INPP4B: variants seen among roughly 807,000 people sequenced by gnomAD.
INPP4B encodes inositol polyphosphate 4-phosphatase type II.
A neutral mutation model predicts 122.5 loss-of-function variants in INPP4B; 55 were observed. That is an observed-to-expected ratio of 0.45 (90% CI 0.36 to 0.56). The LOEUF (loss-of-function observed/expected upper bound fraction) is 0.56. INPP4B is among the 20% of genes least tolerant of loss of function. INPP4B has a pLI of 0.00. For synonymous variants in INPP4B, 403 were observed against 388.7 expected, an observed-to-expected ratio of 1.04 and a Z score of -0.43; for missense variants, 1,000 against 1,097.7, an observed-to-expected ratio of 0.91 and a Z score of 1.26.
chr4:142,061,720 A>T lies in INPP4B; in HGVS notation c.2642+20311T>A, dbSNP rs545231031. On this transcript the variant is annotated intron_variant, in intron 25 of 25. Transcript: ENST00000262992. ...AATGAAAATGAGGTTTATAAACATGATCAAATTAGATTTAAGCAAAAAGCA... is the reference window on the plus strand; with the variant it reads ...AATGAAAATGAGGTTTATAAACATGTTCAAATTAGATTTAAGCAAAAAGCA... 2.7e-4 allele frequency among the ~76,000 whole-genome samples: 41 copies of T among 151,914 alleles called. 1 individual carries two copies. Among genetic ancestry groups the T allele is most frequent in the Middle Eastern group, 6.8e-3 (2 of 294 alleles).
chr4:142,334,729 T>C (rs900915190), intron 7 of INPP4B, among the ~76,000 whole-genome samples: 3 of 152,306 alleles, frequency 2.0e-5, no homozygotes, highest in African/African-American at 7.2e-5. Flanking sequence ...TTTCTATACC[T>C]TTGGCCATTT....
chr4:142,035,301 G>A (rs1341821139), intron 25 of INPP4B, among the ~76,000 whole-genome samples: 1 of 152,178 alleles, frequency 6.6e-6, no homozygotes, highest in African/African-American at 2.4e-5. Context: ...TAGGATGAAT[G>A]AGATCGTCCC....
At chr4:142,118,718 C>G (rs1795042453) in intron 21 of INPP4B, among the ~76,000 whole-genome samples, 1 of 152,124 alleles carries the variant, frequency 6.6e-6, no homozygotes, top group Non-Finnish European at 1.5e-5. Flanking sequence ...CAATACCATT[C>G]AGGACATAGG....
intron 9 of INPP4B, among the ~76,000 whole-genome samples, chr4:142,293,222 T>C (rs1005712240): frequency 1.3e-5 from 2 of 152,016 alleles, no homozygotes; most frequent in African/African-American, 4.8e-5. Context: ...GTATTTTTAG[T>C]AGAGACGGGG....
chr4:142,601,211 A>G (rs1739827737), intron 2 of INPP4B, among the ~76,000 whole-genome samples: 1 of 152,178 alleles, frequency 6.6e-6, no homozygotes, highest in Non-Finnish European at 1.5e-5. Context: ...AATAAGACTA[A>G]CAAACATTTA....
At chr4:142,318,339 C>T (rs1286699244) in intron 7 of INPP4B, among the ~76,000 whole-genome samples, 1 of 151,958 alleles carries the variant, frequency 6.6e-6, no homozygotes, top group Non-Finnish European at 1.5e-5. Flanking sequence ...AGGAATATGT[C>T]ACTAAAAAAT....
At chr4:142,108,949 C>A (rs1383773855) in intron 22 of INPP4B, among the ~76,000 whole-genome samples, 1 of 152,124 alleles carries the variant, frequency 6.6e-6, no homozygotes, top group Non-Finnish European at 1.5e-5. Flanking sequence ...TTTCAGTGTG[C>A]ATTTTCCAAC....
At chr4:142,089,126 A>G (rs1187517102) in intron 23 of INPP4B, among the ~76,000 whole-genome samples, 1 of 152,146 alleles carries the variant, frequency 6.6e-6, no homozygotes, top group Non-Finnish European at 1.5e-5. Context: ...GTCCTGGGGC[A>G]AGATTTATGA....
At chr4:142,703,215 C>T (rs750511217) in intron 2 of INPP4B, among the ~76,000 whole-genome samples, 2 of 152,182 alleles carry the variant, frequency 1.3e-5, no homozygotes, top group Non-Finnish European at 2.9e-5. Flanking sequence ...TCACAATGTC[C>T]TCAACTTGTT....
chr4:142,299,156 C>T lies in INPP4B; in HGVS notation c.503+6302G>A, dbSNP rs1025929805. On this transcript the variant is annotated intron_variant, in intron 9 of 25. Transcript: ENST00000262992. The stretch of plus-strand genomic sequence containing the variant: ...TTTTTCACTTTTTTTTTCTTTCTTT[C>T]TTTTTTTTTTTTTGGGGGGGAGACA... 2.2e-4 allele frequency among the ~76,000 whole-genome samples: 23 copies of T among 104,736 alleles called. No individual in the cohort carries two copies. The East Asian group carries it at 4.0e-3, about 18-fold the overall frequency. The allele number at this position is 104,736 out of a possible 152,430, so 68.7% of individuals were successfully genotyped here.
chr4:142,648,419 G>A (rs949540680), intron 2 of INPP4B, among the ~76,000 whole-genome samples: 1 of 152,164 alleles, frequency 6.6e-6, no homozygotes, highest in African/African-American at 2.4e-5. Flanking sequence ...TCCTACCCAA[G>A]GGAAGCTGTG....
At chr4:142,329,445 C>A (rs1380962119) in intron 7 of INPP4B, among the ~76,000 whole-genome samples, 2 of 152,150 alleles carry the variant, frequency 1.3e-5, no homozygotes, top group Non-Finnish European at 1.5e-5. Context: ...GTTTATGTTA[C>A]AATTACAATG....
intron 8 of INPP4B, among the ~76,000 whole-genome samples, chr4:142,309,515 A>AGAG (rs1764649813): frequency 6.6e-6 from 1 of 152,188 alleles, no homozygotes; most frequent in African/African-American, 2.4e-5. Flanking sequence ...TCTGTAGATA[A>AGAG]GGAACTGGGG....
rs1357765729 is a variant in INPP4B, at chr4:142,537,421, TATATATATAGAGAGAG to T, written c.-190-74711_-190-74696del. On this transcript the variant is annotated intron_variant, in intron 2 of 25. Coordinates refer to ENST00000262992, the MANE Select transcript of INPP4B (RefSeq NM_001101669.3). Reference sequence around the variant, plus strand: ...TACAGTATATATATATATATATATATATATATATAGAGAGAGAGAGAGAGAGAGAGAGAGAGAGAGA... The same window carrying T: ...TACAGTATATATATATATATATATATAGAGAGAGAGAGAGAGAGAGAGAGA... Among the ~76,000 whole-genome samples the T allele has an allele frequency of 5.6e-3, 297 of 52,856 alleles. 1 individual carries two copies. Among genetic ancestry groups the T allele is most frequent in the African/African-American group, 0.018 (279 of 15,788 alleles). The allele number at this position is 52,856 out of a possible 152,430, so 34.7% of individuals were successfully genotyped here.
intron 1 of INPP4B, among the ~76,000 whole-genome samples, chr4:142,741,504 A>G (rs868656492): frequency 6.4e-4 from 97 of 152,176 alleles, no homozygotes; most frequent in African/African-American, 2.3e-3. Flanking sequence ...TCAACATGAC[A>G]TTTGGAGAAA....
intron 7 of INPP4B, among the ~76,000 whole-genome samples, chr4:142,362,088 T>A (rs1251314541): frequency 6.6e-6 from 1 of 151,780 alleles, no homozygotes; most frequent in Non-Finnish European, 1.5e-5. Flanking sequence ...GAGAGAGAGA[T>A]CCCTATGAAC....
chr4:142,478,036 C>A (rs995770024), intron 2 of INPP4B, among the ~76,000 whole-genome samples: 1 of 152,178 alleles, frequency 6.6e-6, no homozygotes, highest in Non-Finnish European at 1.5e-5. Context: ...CTCGTGAGCT[C>A]AAGCAATCCG....
chr4:142,177,735 G>T (rs1032144521), intron 15 of INPP4B, among the ~76,000 whole-genome samples: 8 of 151,698 alleles, frequency 5.3e-5, no homozygotes, highest in Non-Finnish European at 1.0e-4. Flanking sequence ...GTGTGTATAT[G>T]TTGTTACTAT....
chr4:142,549,825 G>A (rs921867985), intron 2 of INPP4B, among the ~76,000 whole-genome samples: 1 of 152,152 alleles, frequency 6.6e-6, no homozygotes, highest in East Asian at 1.9e-4. Context: ...TTATTTCCTG[G>A]TAAATATCTC....
Sources: allele counts gnomAD v4.1 joint callset (sites outside exome capture counted in the v4.1 genomes callset), GRCh38; gene constraint gnomAD v4.1.1; transcripts MANE v1.5; gene names NCBI Gene and HGNC (gene_info 2026-07-23, HGNC 2026-07-21).